Variants in NPRL3 observed in about 807,000 individuals in gnomAD.
NPRL3 encodes NPR3 like, GATOR1 complex subunit.
In NPRL3, 23 loss-of-function variants were observed where a neutral mutation model predicts 57.2. The observed-to-expected ratio is 0.40, with a 90% CI of 0.29 to 0.57. NPRL3 has a LOEUF of 0.57. NPRL3 is among the 20% of genes least tolerant of loss of function. The pLI, the probability that NPRL3 is intolerant of heterozygous loss-of-function variation, is 0.42. For missense variants in NPRL3, 691 were observed against 767.1 expected, an observed-to-expected ratio of 0.90 and a Z score of 1.17; for synonymous variants, 333 against 321.1, an observed-to-expected ratio of 1.04 and a Z score of -0.39.
intron 2 of NPRL3, among the ~76,000 whole-genome samples, chr16:133,370 C>T (rs1900902728): frequency 6.6e-6 from 1 of 152,146 alleles, no homozygotes; most frequent in Non-Finnish European, 1.5e-5. Flanking sequence ...GGATTACAGG[C>T]ATGGGCCAAC....
At chr16:116,711 C>T (rs956926665) in intron 5 of NPRL3, among the ~76,000 whole-genome samples, 1 of 151,766 alleles carries the variant, frequency 6.6e-6, no homozygotes, top group Non-Finnish European at 1.5e-5. Flanking sequence ...GCCTGTAATC[C>T]CAGCAGTCTG....
chr16:85,816 A>C lies in NPRL3; in HGVS notation c.*889T>G, dbSNP rs1333006296. ...CCAGACAAGATTTTTTAATTGTTTA[A>C]AAACCGAATAAATGTTTTATTTCTA... is the stretch of plus-strand genomic sequence containing the variant. On this transcript the variant is annotated 3_prime_UTR_variant, in exon 14 of 14. Transcript: ENST00000611875. 2 of 1,450,496 alleles carry C rather than the reference A, an allele frequency of 1.4e-6. No homozygotes were observed. The highest frequency in any genetic ancestry group is 2.6e-5 in the Admixed American group (1 of 39,060). 89.9% of individuals were successfully genotyped at this position (1,450,496 alleles called of 1,614,324 possible). A position where few individuals can be genotyped will look rare whatever the true frequency, so the allele number is the denominator to read the frequency against.
intron 9 of NPRL3, among the ~76,000 whole-genome samples, chr16:94,822 C>A (rs1898919788): frequency 6.6e-6 from 1 of 152,134 alleles, no homozygotes; most frequent in South Asian, 2.1e-4. Context: ...AAAAGACACC[C>A]CCACTTTCCC....
In NPRL3 at chr16:111,787, A is replaced by G. The variant is rs1899826867; in HGVS notation, c.547+835T>C. On this transcript the variant is annotated intron_variant, in intron 6 of 13. Transcript: ENST00000611875. ...TTTGTACTGAAAATGCACCTGAGTC[A>G]GAGAGGCTGTTCTTTATTATTGTTC... Among the ~76,000 whole-genome samples, 2 of 152,198 alleles carry G rather than the reference A, an allele frequency of 1.3e-5. 1 individual carries two copies. Among genetic ancestry groups the G allele is most frequent in the South Asian group, 4.1e-4 (2 of 4,834 alleles).
At chr16:117,421 G>A (rs762273272) in intron 4 of NPRL3, 46 bp from the exon 5 acceptor site, 2 of 1,398,096 alleles carry the variant, frequency 1.4e-6, no homozygotes, top group Non-Finnish European at 2.0e-6. Flanking sequence ...ACTTTCTAAG[G>A]AAAGCTGTTT....
intron 6 of NPRL3, among the ~76,000 whole-genome samples, chr16:112,019 T>C (rs1899836788): frequency 6.6e-6 from 1 of 152,232 alleles, no homozygotes; most frequent in South Asian, 2.1e-4. Context: ...TTTTTAATAA[T>C]TGGTTAGTTG....
intron 9 of NPRL3, 58 bp downstream of exon 9, chr16:98,086 GC>G: frequency 6.3e-7 from 1 of 1,577,612 alleles, no homozygotes; most frequent in Middle Eastern, 1.7e-4. Flanking sequence ...CAGGCGGCCT[GC>G]CTTTCCTGAT....
At chr16:99,514 G>A (rs1240394079) in intron 8 of NPRL3, among the ~76,000 whole-genome samples, 1 of 151,318 alleles carries the variant, frequency 6.6e-6, no homozygotes, top group Non-Finnish European at 1.5e-5. Flanking sequence ...GTAGTGGTGT[G>A]CACCCATAAT....
In NPRL3 at chr16:85,523, T is replaced by C; in HGVS notation, c.*1182A>G. On this transcript the variant is annotated 3_prime_UTR_variant, in exon 14 of 14. Transcript: ENST00000611875. ...CCGTGTCCTCAAGGACCGCGAGCTC[T>C]GCAGTGGCCCCTCCAAGCTGTGCCA... is the stretch of plus-strand genomic sequence containing the variant. 2 of 1,613,396 alleles carry C rather than the reference T, an allele frequency of 1.2e-6. No homozygotes were observed. The highest frequency in any genetic ancestry group is 1.7e-6 in the Non-Finnish European group (2 of 1,180,036).
At chr16:130,305 CAAGCCTG>C (rs1304271051) in intron 3 of NPRL3, among the ~76,000 whole-genome samples, 1 of 152,250 alleles carries the variant, frequency 6.6e-6, no homozygotes, top group East Asian at 1.9e-4. Flanking sequence ...ACCCACCAGA[CAAGCCTG>C]AAGCTGGAAC....
At chr16:93,182 C>T (rs371160332) in intron 10 of NPRL3, 37 bp downstream of exon 10, 1 of 1,388,114 alleles carries the variant, frequency 7.2e-7, no homozygotes, top group Admixed American at 2.0e-5. Flanking sequence ...CCCCTTCCCA[C>T]TCGGGGCTCC....
At chr16:101,552 A>G (rs995390366) in intron 7 of NPRL3, among the ~76,000 whole-genome samples, 6 of 152,112 alleles carry the variant, frequency 3.9e-5, no homozygotes, top group African/African-American at 1.4e-4. Flanking sequence ...TATTTCTTTC[A>G]CAGTCCACTT....
Position 90,214 on chromosome 16 carries a change from C to T in NPRL3, c.1162-312G>A, listed in dbSNP as rs528308274. The T allele has an allele frequency of 1.3e-4, 48 of 367,770 alleles. No individual in the cohort carries two copies. The South Asian group carries it at 1.5e-3, about 12-fold the overall frequency. 22.8% of individuals were successfully genotyped at this position (367,770 alleles called of 1,614,324 possible). A position where few individuals can be genotyped will look rare whatever the true frequency, so the allele number is the denominator to read the frequency against. ...GACGTGGAGGCCCCTGTGACTGCTT[C>T]GCTGAGCAAACCCCCCACCCTGTGC... is the stretch of plus-strand genomic sequence containing the variant. On this transcript the variant is annotated intron_variant, in intron 11 of 13. Coordinates refer to ENST00000611875, the MANE Select transcript of NPRL3 (RefSeq NM_001077350.3).
At chr16:89,169 G>A (rs796790642) in intron 12 of NPRL3, 14 of 457,852 alleles carry the variant, frequency 3.1e-5, no homozygotes, top group African/African-American at 2.5e-4. Flanking sequence ...GGTGGGCCTG[G>A]GCATCCTGTC....
intron 5 of NPRL3, among the ~76,000 whole-genome samples, chr16:115,642 C>T (rs559341641): frequency 6.6e-6 from 1 of 152,274 alleles, no homozygotes; most frequent in South Asian, 2.1e-4. Flanking sequence ...TCCACCACCA[C>T]ACCTGGCTAA....
At chr16:118,002 C>T (rs901733476) in intron 4 of NPRL3, among the ~76,000 whole-genome samples, 4 of 152,238 alleles carry the variant, frequency 2.6e-5, no homozygotes, top group Non-Finnish European at 5.9e-5. Context: ...CTCCTGTCTA[C>T]AGGGTGTGAC....
intron 5 of NPRL3, among the ~76,000 whole-genome samples, chr16:116,799 C>CAA (rs1555443767): frequency 3.4e-5 from 5 of 145,214 alleles, no homozygotes; most frequent in Non-Finnish European, 7.6e-5. Flanking sequence ...CCCCCCCCCC[C>CAA]ACCGATCTCT....
intron 7 of NPRL3, among the ~76,000 whole-genome samples, chr16:106,306 T>TCAAA (rs1384301499): frequency 6.6e-6 from 1 of 150,622 alleles, no homozygotes; most frequent in African/African-American, 2.5e-5. Context: ...AGACTCCGTC[T>TCAAA]CAAACAAACA....
rs59640237 is a variant in NPRL3, at chr16:100,970, CAAA to C, written c.630-464_630-462del. Among the ~76,000 whole-genome samples the C allele has an allele frequency of 1.1e-3, 41 of 36,116 alleles. 1 individual carries two copies. The South Asian group carries it at 0.016, about 14-fold the overall frequency. The allele number at this position is 36,116 out of a possible 152,430, so 23.7% of individuals were successfully genotyped here. On this transcript the variant is annotated intron_variant, in intron 7 of 13. Transcript: ENST00000611875. ...TGGGCAACAAGGCAAGACTCTGTCT[CAAA>C]AAAAAAAAAAAAAAAAAGGAAGAAG...
Sources: gnomAD v4.1 joint callset for allele counts (sites outside exome capture counted in the v4.1 genomes callset) on GRCh38, gnomAD v4.1.1 for gene constraint, MANE v1.5 for transcripts, NCBI Gene and HGNC (gene_info 2026-07-23, HGNC 2026-07-21) for gene names.